Variants in GABRB3 observed in about 807,000 individuals in gnomAD.
GABRB3 encodes the protein gamma-aminobutyric acid type A receptor subunit beta3, also known as gamma-aminobutyric acid receptor subunit beta-3.
A neutral mutation model predicts 52.1 loss-of-function variants in GABRB3; 14 were observed. The observed-to-expected ratio is 0.27, with a 90% CI of 0.18 to 0.42. GABRB3 has a LOEUF of 0.42. Among genes scored for constraint, GABRB3 ranks in the 10% least tolerant of loss-of-function variants. GABRB3 has a pLI of 1.00. For synonymous variants in GABRB3, 260 were observed against 232.3 expected, an observed-to-expected ratio of 1.12 and a Z score of -1.08; for missense variants, 307 against 609.1, an observed-to-expected ratio of 0.50 and a Z score of 5.22.
intron 3 of GABRB3, chr15:26,625,438 A>G: frequency 1.0e-6 from 1 of 980,680 alleles, no homozygotes; most frequent in Non-Finnish European, 1.2e-6. Context: ...TTACCTTTGC[A>G]ATGATGTGGC....
intron 3 of GABRB3, among the ~76,000 whole-genome samples, chr15:26,744,216 T>A (rs899934757): frequency 6.6e-6 from 1 of 152,144 alleles, no homozygotes; most frequent in Non-Finnish European, 1.5e-5. Context: ...AGCGGTTGAG[T>A]ATTTGAATTT....
intron 7 of GABRB3, among the ~76,000 whole-genome samples, chr15:26,561,747 G>A (rs1889995663): frequency 6.6e-6 from 1 of 152,212 alleles, no homozygotes; most frequent in African/African-American, 2.4e-5. Context: ...TTAGCCATGA[G>A]ATCCAGTCCT....
intron 8 of GABRB3, chr15:26,557,481 TTC>T (rs1889799556): frequency 1.3e-5 from 2 of 152,230 alleles, no homozygotes; most frequent in Admixed American, 6.5e-5. Flanking sequence ...ACAGTACCAC[TTC>T]TGTTTCACGT....
intron 3 of GABRB3, among the ~76,000 whole-genome samples, chr15:26,745,436 A>C (rs1323356870): frequency 6.6e-6 from 1 of 152,214 alleles, no homozygotes; most frequent in African/African-American, 2.4e-5. Flanking sequence ...GATATGGTAC[A>C]ATCCACGACC....
chr15:26,683,348 G>GA (rs376091373), intron 3 of GABRB3, among the ~76,000 whole-genome samples: 1 of 143,850 alleles, frequency 7.0e-6, no homozygotes, highest in African/African-American at 3.0e-5. Flanking sequence ...CACCCACCTG[G>GA]AGTTTCAGAG....
intron 3 of GABRB3, among the ~76,000 whole-genome samples, chr15:26,729,722 C>A (rs1437525022): frequency 6.6e-6 from 1 of 152,142 alleles, no homozygotes; most frequent in African/African-American, 2.4e-5. Flanking sequence ...CCCTATGCCC[C>A]CAGCAGGCTC....
chr15:26,672,105 T>C (rs1304736191), intron 3 of GABRB3, among the ~76,000 whole-genome samples: 1 of 152,196 alleles, frequency 6.6e-6, no homozygotes, highest in Non-Finnish European at 1.5e-5. Flanking sequence ...CCTCCTTTTC[T>C]TTGCGTGCTT....
chr15:26,639,377 AACAGGT>A (rs1414680790), intron 3 of GABRB3, among the ~76,000 whole-genome samples: 1 of 152,152 alleles, frequency 6.6e-6, no homozygotes, highest in Non-Finnish European at 1.5e-5. Context: ...GTCTGTACCA[AACAGGT>A]ACATTTTTTT....
intron 3 of GABRB3, among the ~76,000 whole-genome samples, chr15:26,764,998 C>T (rs867465006): frequency 1.3e-5 from 2 of 151,928 alleles, no homozygotes; most frequent in African/African-American, 4.8e-5. Flanking sequence ...GGTGTGGTGG[C>T]GGGCACCTGT....
At chr15:26,566,204 T>G (rs1221764173) in intron 7 of GABRB3, among the ~76,000 whole-genome samples, 2 of 152,166 alleles carry the variant, frequency 1.3e-5, no homozygotes, top group Admixed American at 6.5e-5. Flanking sequence ...ACTTTCAGTT[T>G]TTTGCAGCTT....
chr15:26,689,194 T>C (rs1262269718), intron 3 of GABRB3, among the ~76,000 whole-genome samples: 2 of 152,184 alleles, frequency 1.3e-5, no homozygotes, highest in Admixed American at 1.3e-4. Context: ...CCTGGCTTCC[T>C]GCGACCTCCA....
chr15:26,691,719 A>T (rs1034934736), intron 3 of GABRB3, among the ~76,000 whole-genome samples: 1 of 152,186 alleles, frequency 6.6e-6, no homozygotes, highest in Non-Finnish European at 1.5e-5. Context: ...CTACCTACTG[A>T]TATCAAGACC....
intron 3 of GABRB3, among the ~76,000 whole-genome samples, chr15:26,677,080 G>T (rs1459091360): frequency 6.6e-6 from 1 of 152,096 alleles, no homozygotes; most frequent in East Asian, 1.9e-4. Flanking sequence ...TCGATAAGTT[G>T]GATCCCAGTT....
rs538156005 is a variant in GABRB3, at chr15:26,565,812, C to T, written c.835+1769G>A. On this transcript the variant is annotated intron_variant, in intron 7 of 8. Coordinates refer to ENST00000311550, the MANE Select transcript of GABRB3 (RefSeq NM_000814.6). ...CATATTTCACTAACTATCGCAGTGA[C>T]GGCAAATTCTCTGTAGCAGATGCTT... is the stretch of plus-strand genomic sequence containing the variant. Among the ~76,000 whole-genome samples, 11 of 152,260 alleles carry T rather than the reference C, an allele frequency of 7.2e-5. No individual in the cohort carries two copies. In the South Asian group the frequency reaches 1.0e-3, roughly 14 times the overall value.
intron 4 of GABRB3, among the ~76,000 whole-genome samples, chr15:26,610,292 T>G (rs28599503): frequency 6.6e-6 from 1 of 152,124 alleles, no homozygotes; most frequent in Non-Finnish European, 1.5e-5. Flanking sequence ...TGATCTCCCA[T>G]GTCCTCAGCT....
At chr15:26,624,852 C>G in intron 3 of GABRB3, 1 of 985,420 alleles carries the variant, frequency 1.0e-6, no homozygotes, top group Non-Finnish European at 1.2e-6. Context: ...GCAGGGTTTT[C>G]CTGTTACGGG....
intron 3 of GABRB3, among the ~76,000 whole-genome samples, chr15:26,759,075 C>A (rs1226085397): frequency 6.6e-6 from 1 of 152,268 alleles, no homozygotes; most frequent in African/African-American, 2.4e-5. Context: ...ATAATTTGCA[C>A]ATCCACCTTT....
intron 3 of GABRB3, among the ~76,000 whole-genome samples, chr15:26,741,806 C>T (rs1252930348): frequency 2.0e-5 from 3 of 152,030 alleles, no homozygotes; most frequent in South Asian, 2.1e-4. Context: ...ATGGGGGTCT[C>T]GCTATGTTGC....
intron 3 of GABRB3, among the ~76,000 whole-genome samples, chr15:26,740,362 G>T (rs10152421): frequency 1.3e-5 from 2 of 151,794 alleles, no homozygotes; most frequent in East Asian, 3.9e-4. Context: ...GAATAGGAGA[G>T]GGGGTTCACT....
Sources: allele counts gnomAD v4.1 joint callset (sites outside exome capture counted in the v4.1 genomes callset), GRCh38; gene constraint gnomAD v4.1.1; transcripts MANE v1.5; gene names NCBI Gene and HGNC (gene_info 2026-07-23, HGNC 2026-07-21).